MRPL57: variants seen among roughly 807,000 people sequenced by gnomAD.
The protein encoded by MRPL57 is mitochondrial ribosomal protein L57.
In MRPL57, 1 loss-of-function variant was observed where a neutral mutation model predicts 1.3. The observed-to-expected ratio is 0.79, with a 90% CI of 0.28 to 3.75. The LOEUF (loss-of-function observed/expected upper bound fraction) is 3.75, where lower values mean the gene tolerates loss of function less well. MRPL57 is among the 30% of genes most tolerant of loss of function. MRPL57 has a pLI of 0.19. For synonymous variants in MRPL57, 79 were observed against 61.7 expected (o/e 1.28, Z -1.31); for missense variants, 170 against 148.9 (o/e 1.14, Z -0.74).
chr13:21,176,887 C>T, intron 1 of MRPL57, 25 bp from the exon 2 acceptor site: 1 of 1,593,724 alleles, frequency 6.3e-7, no homozygotes, highest in South Asian at 1.1e-5. Flanking sequence ...TTCGCCTCCG[C>T]AAAGCCCGTC....
chr13:21,177,082 C>T lies in MRPL57; in HGVS notation c.166C>T (p.Arg56Trp), dbSNP rs144653528. 11 of 1,613,928 alleles carry T rather than the reference C, an allele frequency of 6.8e-6. No homozygotes were observed. The highest frequency in any genetic ancestry group is 9.3e-6 in the Non-Finnish European group (11 of 1,180,036). ...CTGGCTGAGCATGCCCTACATGACC[C>T]GGGAGCAGGAGCGCGGCCACGCCGC... ...HYWLSMPYMT[R>W]EQERGHAAVR... Residue 56 changes from arginine to tryptophan, a missense_variant, in exon 2 of 2, where the codon CGG becomes TGG. Transcript: ENST00000309594.
chr13:21,176,921 T>G lies in MRPL57; in HGVS notation c.5T>G (p.Phe2Cys), dbSNP rs971635245. The change falls in exon 2 of 2, where the codon TTC becomes TGC. Residue 2 changes from phenylalanine to cysteine, a missense_variant. Coordinates refer to ENST00000309594, the MANE Select transcript of MRPL57 (RefSeq NM_024026.5). ...TCCCTCTCTTCCGCAGGCACCATGT[T>G]CCTGACTGCGCTCCTCTGGCGCGGC... M[F>C]LTALLWRGRI... The G allele has an allele frequency of 6.2e-7, 1 of 1,607,596 alleles. No homozygotes were observed. Among genetic ancestry groups the G allele is most frequent in the Admixed American group, 1.7e-5 (1 of 59,926 alleles).
In MRPL57 at chr13:21,177,081, C is replaced by T. The variant is rs753252597; in HGVS notation, c.165C>T (p.Thr55=). The T allele has an allele frequency of 9.3e-6, 15 of 1,613,766 alleles. No individual in the cohort carries two copies. The highest frequency in any genetic ancestry group is 3.3e-5 in the Admixed American group (2 of 60,008). Residue 55 remains threonine (T), a synonymous_variant, in exon 2 of 2, where the codon ACC becomes ACT. Transcript: ENST00000309594. ...NHYWLSMPYM[T]REQERGHAAV... The stretch of plus-strand genomic sequence containing the variant: ...ACTGGCTGAGCATGCCCTACATGAC[C>T]CGGGAGCAGGAGCGCGGCCACGCCG...
chr13:21,177,083 G>C lies in MRPL57; in HGVS notation c.167G>C (p.Arg56Pro), dbSNP rs764301042. Residue 56 changes from arginine to proline, a missense_variant, in exon 2 of 2, where the codon CGG becomes CCG. Arg to Pro is a moderately radical substitution (Grantham distance 103). Transcript: ENST00000309594. ...TGGCTGAGCATGCCCTACATGACCC[G>C]GGAGCAGGAGCGCGGCCACGCCGCG... ...HYWLSMPYMT[R>P]EQERGHAAVR... is the part of the protein sequence containing the mutation. 1.4e-5 allele frequency: 22 copies of C among 1,613,828 alleles called. No homozygotes were observed. Among genetic ancestry groups the C allele is most frequent in the Non-Finnish European group, 1.9e-5 (22 of 1,180,032 alleles).
rs189720754 is a variant in MRPL57 at position 21,176,852 on chromosome 13, C to G, written c.-5-60C>G. The G allele has an allele frequency of 1.8e-4, 271 of 1,544,868 alleles. No individual in the cohort carries two copies. The African/African-American group carries it at 3.1e-3, about 17-fold the overall frequency. ...CGTGAGCTGGAGCGCGCGCCCGCTG[C>G]TCTCTCCAGGTCCGGCCGCGCCAGT... On this transcript the variant is annotated intron_variant, in intron 1 of 1. Coordinates refer to ENST00000309594, the MANE Select transcript of MRPL57 (RefSeq NM_024026.5).
rs2137394398 is a variant in MRPL57, at chr13:21,177,624, A to T, written c.*399A>T. ...GAAAATATGAGCTTTTCAGTTAAACATACTCCTAAAAACATTTTCCGGGAT... is the reference window on the plus strand; with the variant it reads ...GAAAATATGAGCTTTTCAGTTAAACTTACTCCTAAAAACATTTTCCGGGAT... On this transcript the variant is annotated 3_prime_UTR_variant, in exon 2 of 2. Coordinates refer to ENST00000309594, the MANE Select transcript of MRPL57 (RefSeq NM_024026.5). 4.6e-6 allele frequency: 1 copy of T among 217,072 alleles called. No individual in the cohort carries two copies. The allele number at this position is 217,072 out of a possible 1,614,324, so 13.4% of individuals were successfully genotyped here. A position where few individuals can be genotyped will look rare whatever the true frequency, so the allele number is the denominator to read the frequency against.
At position 21,177,333 on chromosome 13, in the gene MRPL57, C is replaced by T. The variant is rs1001108435; in HGVS notation, c.*108C>T. The T allele has an allele frequency of 1.2e-5, 14 of 1,181,378 alleles. No individual in the cohort carries two copies. The highest frequency in any genetic ancestry group is 1.6e-5 in the Non-Finnish European group (13 of 829,400). The allele number at this position is 1,181,378 out of a possible 1,614,324, so 73.2% of individuals were successfully genotyped here. A position where few individuals can be genotyped will look rare whatever the true frequency, so the allele number is the denominator to read the frequency against. On this transcript the variant is annotated 3_prime_UTR_variant, in exon 2 of 2. Coordinates refer to ENST00000309594, the MANE Select transcript of MRPL57 (RefSeq NM_024026.5). ...TGTGAAAATGAGCCTTTGGACCAGT[C>T]TTTATTAAAACAAACAAACATGAGT...
Position 21,176,726 on chromosome 13 carries a change from C to G in MRPL57, c.-6+9C>G, listed in dbSNP as rs1871576158. The G allele has an allele frequency of 1.5e-6, 1 of 680,406 alleles. No homozygotes were observed. The highest frequency in any genetic ancestry group is 1.8e-5 in the African/African-American group (1 of 55,092). The allele number at this position is 680,406 out of a possible 1,614,324, so 42.1% of individuals were successfully genotyped here. On this transcript the variant is annotated intron_variant, in intron 1 of 1. Transcript: ENST00000309594. Reference sequence around the variant, plus strand: ...CTTGAGCAGCGCGGCAGGTGAGTAGCTGTGCGAATTCGGTTCTCTAGGGAG... The same window carrying G: ...CTTGAGCAGCGCGGCAGGTGAGTAGGTGTGCGAATTCGGTTCTCTAGGGAG...
chr13:21,176,852 C>T (rs189720754), intron 1 of MRPL57, 60 bp from the exon 2 acceptor site: 4 of 1,544,748 alleles, frequency 2.6e-6, no homozygotes, highest in Admixed American at 3.8e-5. Flanking sequence ...GCGCCCGCTG[C>T]TCTCTCCAGG....
In MRPL57 at chr13:21,178,448, A is replaced by T; in HGVS notation, c.*1223A>T. On this transcript the variant is annotated 3_prime_UTR_variant, in exon 2 of 2. Transcript: ENST00000309594. ...AAAGAAAATTTAGGTGGGGAAAAAA[A>T]TCAGAATTGCGTCTGTGGGAACAGG... 1.8e-5 allele frequency: 3 copies of T among 167,040 alleles called. No homozygotes were observed. The allele number at this position is 167,040 out of a possible 1,614,324, so 10.3% of individuals were successfully genotyped here. A position where few individuals can be genotyped will look rare whatever the true frequency, so the allele number is the denominator to read the frequency against.
rs138709144 is a variant in MRPL57, at chr13:21,177,090, G to T, written c.174G>T (p.Gln58His). The change falls in exon 2 of 2, where the codon CAG (glutamine) becomes CAT (histidine). Residue 58 changes from glutamine to histidine, a missense_variant. By Grantham distance (24) the Gln-to-His change is conservative (BLOSUM62 0). Transcript: ENST00000309594. Reference protein sequence around the residue: ...WLSMPYMTREQERGHAAVRRR... With the variant: ...WLSMPYMTREHERGHAAVRRR... Reference sequence around the variant, plus strand: ...GCATGCCCTACATGACCCGGGAGCAGGAGCGCGGCCACGCCGCGGTGCGCA... The same window carrying T: ...GCATGCCCTACATGACCCGGGAGCATGAGCGCGGCCACGCCGCGGTGCGCA... The T allele has an allele frequency of 2.0e-5, 32 of 1,613,852 alleles. No homozygotes were observed. In the African/African-American group the frequency reaches 4.3e-4, roughly 22 times the overall value.
In MRPL57 at chr13:21,177,548, T is replaced by A. The variant is rs928690654; in HGVS notation, c.*323T>A. ...TAAGTATGAGATACTTGATGGGGGC[T>A]TTATCATGCAACATTAGTTTGCTTA... On this transcript the variant is annotated 3_prime_UTR_variant, in exon 2 of 2. Coordinates refer to ENST00000309594, the MANE Select transcript of MRPL57 (RefSeq NM_024026.5). 1 of 333,574 alleles carries A rather than the reference T, an allele frequency of 3.0e-6. No homozygotes were observed. The highest frequency in any genetic ancestry group is 2.2e-5 in the African/African-American group (1 of 45,142). The allele number at this position is 333,574 out of a possible 1,614,324, so 20.7% of individuals were successfully genotyped here. A position where few individuals can be genotyped will look rare whatever the true frequency, so the allele number is the denominator to read the frequency against.
rs1346232276 is a variant in MRPL57 at position 21,177,264 on chromosome 13, C to G, written c.*39C>G. The stretch of plus-strand genomic sequence containing the variant: ...CCCTTGGATTTTATGGATCACGGAG[C>G]TGACCATCTTTACCTGGTCCTGGAA... On this transcript the variant is annotated 3_prime_UTR_variant, in exon 2 of 2. Transcript: ENST00000309594. 3.1e-6 allele frequency: 5 copies of G among 1,599,062 alleles called. No homozygotes were observed. The highest frequency in any genetic ancestry group is 4.3e-6 in the Non-Finnish European group (5 of 1,169,870).
rs762224866 is a variant in MRPL57, at chr13:21,178,681, C to G, written c.*1456C>G. On this transcript the variant is annotated 3_prime_UTR_variant, in exon 2 of 2. Coordinates refer to ENST00000309594, the MANE Select transcript of MRPL57 (RefSeq NM_024026.5). ...ACTAAAAATACAAAAATTAGCCGGG[C>G]GTGGTGGCTTACGCCTGTAATCCCA... The G allele has an allele frequency of 3.9e-5, 6 of 153,358 alleles. No homozygotes were observed. The Admixed American group carries it at 3.9e-4, about 10-fold the overall frequency. 9.5% of individuals were successfully genotyped at this position (153,358 alleles called of 1,614,324 possible).
intron 1 of MRPL57, 48 bp from the exon 2 acceptor site, chr13:21,176,864 C>G: frequency 1.9e-6 from 3 of 1,577,882 alleles, no homozygotes; most frequent in East Asian, 4.5e-5. Context: ...CTCTCCAGGT[C>G]CGGCCGCGCC....
intron 1 of MRPL57, 43 bp from the exon 2 acceptor site, chr13:21,176,869 C>T (rs1278575886): frequency 6.3e-7 from 1 of 1,582,730 alleles, no homozygotes; most frequent in Non-Finnish European, 8.6e-7. Flanking sequence ...CAGGTCCGGC[C>T]GCGCCAGTTC....
At position 21,178,890 on chromosome 13, in the gene MRPL57, C is replaced by A. The variant is rs939047006; in HGVS notation, c.*1665C>A. On this transcript the variant is annotated 3_prime_UTR_variant, in exon 2 of 2. Coordinates refer to ENST00000309594, the MANE Select transcript of MRPL57 (RefSeq NM_024026.5). ...GGCTGAGGAAGGAGAATTGCTTGAA[C>A]CCAGGTGGTGGAGGTTGCAGTGAGC... 2.4e-5 allele frequency: 4 copies of A among 166,254 alleles called. No individual in the cohort carries two copies. Among genetic ancestry groups the A allele is most frequent in the African/African-American group, 9.7e-5 (4 of 41,444 alleles). The allele number at this position is 166,254 out of a possible 1,614,324, so 10.3% of individuals were successfully genotyped here. A position where few individuals can be genotyped will look rare whatever the true frequency, so the allele number is the denominator to read the frequency against.
rs376825924 is a variant in MRPL57 at position 21,176,899 on chromosome 13, C to T, written c.-5-13C>T. The T allele has an allele frequency of 1.0e-5, 16 of 1,599,330 alleles. No homozygotes were observed. The African/African-American group carries it at 2.0e-4, about 20-fold the overall frequency. On this transcript the variant is annotated splice_polypyrimidine_tract_variant and intron_variant, in intron 1 of 1. Transcript: ENST00000309594. ...CAGTTCGCCTCCGCAAAGCCCGTCC[C>T]TCTCTTCCGCAGGCACCATGTTCCT...
In MRPL57 at chr13:21,177,546, GC is replaced by G. The variant is rs1291511874; in HGVS notation, c.*322del. 5 of 334,788 alleles carry G rather than the reference GC, an allele frequency of 1.5e-5. No homozygotes were observed. The highest frequency in any genetic ancestry group is 1.1e-4 in the African/African-American group (5 of 45,206). 20.7% of individuals were successfully genotyped at this position (334,788 alleles called of 1,614,324 possible). The stretch of plus-strand genomic sequence containing the variant: ...CTTAAGTATGAGATACTTGATGGGG[GC>G]TTTATCATGCAACATTAGTTTGCTT... On this transcript the variant is annotated 3_prime_UTR_variant, in exon 2 of 2. Transcript: ENST00000309594.
Sources: allele counts gnomAD v4.1 joint callset, GRCh38; gene constraint gnomAD v4.1.1; transcripts MANE v1.5; gene names NCBI Gene and HGNC (gene_info 2026-07-23, HGNC 2026-07-21).